The following ZNF385D variants were observed in gnomAD, a reference collection of about 807,000 sequenced individuals.
ZNF385D encodes the protein zinc finger protein 659.
A neutral mutation model predicts 35.8 loss-of-function variants in ZNF385D; 15 were observed. The observed-to-expected ratio is 0.42, with a 90% CI of 0.28 to 0.64. The LOEUF (loss-of-function observed/expected upper bound fraction) is 0.64. ZNF385D is among the 30% of genes least tolerant of loss of function. The pLI, the probability that ZNF385D is intolerant of heterozygous loss-of-function variation, is 0.23. For synonymous variants in ZNF385D, 212 were observed against 186.8 expected (o/e 1.13, Z -1.10); for missense variants, 474 against 494.6 (o/e 0.96, Z 0.39).
At chr3:22,100,800 T>A (rs1433078654) in intron 3 of ZNF385D, among the ~76,000 whole-genome samples, 1 of 151,492 alleles carries the variant, frequency 6.6e-6, no homozygotes, top group Non-Finnish European at 1.5e-5. Context: ...AACCTGCACA[T>A]TGTGCACATG....
At chr3:21,874,661 C>G (rs115767521) in intron 3 of ZNF385D, among the ~76,000 whole-genome samples, 2,611 of 152,172 alleles carry the variant, frequency 0.017, 32 homozygotes, top group Non-Finnish European at 0.026. Context: ...GTTTCAAAAT[C>G]AGGAAATGTG....
chr3:21,529,489 A>AT (rs1003328258), intron 3 of ZNF385D, among the ~76,000 whole-genome samples: 9 of 152,222 alleles, frequency 5.9e-5, no homozygotes, highest in African/African-American at 1.4e-4. Context: ...ATTTAGAAAG[A>AT]TTTTTTTAAA....
chr3:22,039,482 T>C (rs1431076815), intron 3 of ZNF385D, among the ~76,000 whole-genome samples: 1 of 152,072 alleles, frequency 6.6e-6, no homozygotes, highest in East Asian at 1.9e-4. Context: ...CAGCCAAATT[T>C]TTCATCATTC....
intron 3 of ZNF385D, among the ~76,000 whole-genome samples, chr3:22,033,090 C>T (rs578100522): frequency 1.3e-3 from 194 of 152,134 alleles, no homozygotes; most frequent in African/African-American, 4.3e-3. Context: ...TTCCATGCTG[C>T]GAGGTCAAAG....
At chr3:22,353,305 C>A (rs570037287) in intron 2 of ZNF385D, among the ~76,000 whole-genome samples, 7 of 152,288 alleles carry the variant, frequency 4.6e-5, no homozygotes, top group East Asian at 3.9e-4. Context: ...CTTGGCACTG[C>A]CTCTTTGAAT....
intron 3 of ZNF385D, among the ~76,000 whole-genome samples, chr3:21,765,055 G>A (rs1164942416): frequency 6.6e-6 from 1 of 152,038 alleles, no homozygotes; most frequent in Non-Finnish European, 1.5e-5. Flanking sequence ...GGCCAGAAAT[G>A]TTTTCTTTTT....
chr3:21,724,477 C>CAAAAAAAAAAAAAAAAAAAAAAAAAAAA (rs200803155), intron 1 of ZNF385D, among the ~76,000 whole-genome samples: 1 of 52,018 alleles, frequency 1.9e-5, no homozygotes, highest in African/African-American at 1.6e-4. Context: ...AATGGAAAGC[C>CAAAAAAAAAAAAAAAAAAAAAAAAAAAA]AAAAAAAAAA....
intron 3 of ZNF385D, among the ~76,000 whole-genome samples, chr3:21,559,591 CATTTTTTCCTTCAT>C (rs773446718): frequency 1.3e-5 from 2 of 152,186 alleles, no homozygotes; most frequent in African/African-American, 4.8e-5. Flanking sequence ...CTGCCCTTCA[CATTTTTTCCTTCAT>C]TTCAACCTTA....
chr3:22,068,194 T>G (rs1266673325), intron 3 of ZNF385D, among the ~76,000 whole-genome samples: 1 of 152,138 alleles, frequency 6.6e-6, no homozygotes, highest in African/African-American at 2.4e-5. Context: ...GTTGTAACAT[T>G]GTTCTCTTAG....
chr3:21,618,437 C>A (rs2064910941), intron 2 of ZNF385D, among the ~76,000 whole-genome samples: 1 of 152,170 alleles, frequency 6.6e-6, no homozygotes. Flanking sequence ...CAGTGTTGGA[C>A]TTCTGGCTTC....
chr3:22,182,675 A>G (rs1695357653), intron 2 of ZNF385D, among the ~76,000 whole-genome samples: 1 of 152,128 alleles, frequency 6.6e-6, no homozygotes, highest in African/African-American at 2.4e-5. Context: ...ACCATTTAAC[A>G]TATTTTTCTA....
intron 2 of ZNF385D, among the ~76,000 whole-genome samples, chr3:22,333,868 A>G (rs1303886032): frequency 1.3e-5 from 2 of 152,210 alleles, no homozygotes; most frequent in Non-Finnish European, 1.5e-5. Flanking sequence ...TTCACTGCCA[A>G]TCAGGTGGTA....
chr3:22,281,046 G>T (rs771286352), intron 2 of ZNF385D, among the ~76,000 whole-genome samples: 4 of 151,740 alleles, frequency 2.6e-5, no homozygotes, highest in African/African-American at 9.7e-5. Flanking sequence ...GCTTGGTCAC[G>T]GTTGTATAGT....
chr3:21,586,420 T>C (rs2063812637), intron 2 of ZNF385D, among the ~76,000 whole-genome samples: 1 of 151,726 alleles, frequency 6.6e-6, no homozygotes, highest in Admixed American at 6.6e-5. Context: ...CTTCAGATAC[T>C]GAGGGCCAAA....
chr3:21,665,022 G>A lies in ZNF385D; in HGVS notation c.29C>T (p.Thr10Ile). The A allele has an allele frequency of 6.2e-7, 1 of 1,609,150 alleles. No individual in the cohort carries two copies. Among genetic ancestry groups the A allele is most frequent in the Non-Finnish European group, 8.5e-7 (1 of 1,177,586 alleles). The change falls in exon 2 of 8, where the codon ACA (threonine) becomes ATA (isoleucine). Residue 10 changes from threonine to isoleucine, a missense_variant. By Grantham distance (89) the Thr-to-Ile change is moderately conservative. Transcript: ENST00000281523. ...GGCCGGGAGAGCAGGACTCTGGCAT[G>A]TACCACCTGTGAAGACCAGAGCAAA... MRNIMYFGG[T>I]CQSPALPALV...
intron 2 of ZNF385D, among the ~76,000 whole-genome samples, chr3:22,330,780 G>T (rs1185606519): frequency 6.6e-6 from 1 of 152,180 alleles, no homozygotes; most frequent in East Asian, 1.9e-4. Context: ...AATAAATGGA[G>T]AACTCTATCA....
At chr3:21,970,749 C>G (rs1559803551) in intron 3 of ZNF385D, among the ~76,000 whole-genome samples, 1 of 152,006 alleles carries the variant, frequency 6.6e-6, no homozygotes, top group African/African-American at 2.4e-5. Context: ...CCAAGGAAGA[C>G]TGCCTGAAGG....
chr3:22,104,372 T>G (rs1176368347), intron 3 of ZNF385D, among the ~76,000 whole-genome samples: 4 of 152,176 alleles, frequency 2.6e-5, no homozygotes, highest in Non-Finnish European at 4.4e-5. Flanking sequence ...TAATCTACTT[T>G]GTTGATTCTT....
intron 3 of ZNF385D, among the ~76,000 whole-genome samples, chr3:21,765,746 G>GAGAC (rs1553656856): frequency 9.7e-5 from 8 of 82,450 alleles, no homozygotes; most frequent in Non-Finnish European, 2.3e-4. Context: ...GAGAGAGACA[G>GAGAC]AGAGAGAGAG....
Sources: gnomAD v4.1 joint callset for allele counts (sites outside exome capture counted in the v4.1 genomes callset) on GRCh38, gnomAD v4.1.1 for gene constraint, MANE v1.5 for transcripts, NCBI Gene and HGNC (gene_info 2026-07-23, HGNC 2026-07-21) for gene names.